The following SLC24A1 variants were observed in gnomAD, a reference collection of about 807,000 sequenced individuals.
SLC24A1 encodes the protein solute carrier family 24 member 1.
A neutral mutation model predicts 88.1 loss-of-function variants in SLC24A1; 52 were observed. The observed-to-expected ratio is 0.59, with a 90% CI of 0.47 to 0.74. The LOEUF (loss-of-function observed/expected upper bound fraction) is 0.74, where lower values mean the gene tolerates loss of function less well. Among genes scored for constraint, SLC24A1 ranks in the 30% least tolerant of loss-of-function variants. SLC24A1 has a pLI of 0.00. For synonymous variants in SLC24A1, 455 were observed against 498.0 expected, an observed-to-expected ratio of 0.91 and a Z score of 1.15; for missense variants, 1,173 against 1,363.3, an observed-to-expected ratio of 0.86 and a Z score of 2.20.
At chr15:65,640,310 G>A (rs1566958087) in intron 4 of SLC24A1, among the ~76,000 whole-genome samples, 1 of 152,232 alleles carries the variant, frequency 6.6e-6, no homozygotes, top group African/African-American at 2.4e-5. Context: ...GAGGGTAAGA[G>A]CAGGGTCCAA....
At chr15:65,615,708 A>T (rs1216158607) in intron 2 of SLC24A1, among the ~76,000 whole-genome samples, 1 of 152,194 alleles carries the variant, frequency 6.6e-6, no homozygotes, top group Non-Finnish European at 1.5e-5. Context: ...GTGTCTATGG[A>T]TAAAAATTCA....
chr15:65,643,723 C>T (rs1443421807), intron 4 of SLC24A1, among the ~76,000 whole-genome samples: 1 of 152,242 alleles, frequency 6.6e-6, no homozygotes, highest in African/African-American at 2.4e-5. Context: ...TCTGTGCATG[C>T]TGCCCTGTGG....
intron 6 of SLC24A1, among the ~76,000 whole-genome samples, chr15:65,647,345 G>A (rs2075334653): frequency 6.6e-6 from 1 of 152,028 alleles, no homozygotes; most frequent in Non-Finnish European, 1.5e-5. Flanking sequence ...GGGTGTGGTG[G>A]TGCGTGCCTG....
At chr15:65,653,781 G>T (rs770664479) in intron 9 of SLC24A1, 49 bp from the exon 10 acceptor site, 3 of 1,586,288 alleles carry the variant, frequency 1.9e-6, no homozygotes, top group African/African-American at 2.7e-5. Context: ...AAGTGTATGG[G>T]ATTATTATAA....
chr15:65,642,398 G>A (rs2075159548), intron 4 of SLC24A1, among the ~76,000 whole-genome samples: 1 of 152,170 alleles, frequency 6.6e-6, no homozygotes. Context: ...AGACAGGGTG[G>A]GGGAGACCCT....
upstream of SLC24A1, among the ~76,000 whole-genome samples, chr15:65,619,699 T>C (rs2074259622): frequency 6.6e-6 from 1 of 152,144 alleles, no homozygotes. Context: ...TCGTTCCCTC[T>C]TCTTTCTGTT....
chr15:65,635,780 C>T (rs928545656), intron 2 of SLC24A1, among the ~76,000 whole-genome samples: 3 of 152,226 alleles, frequency 2.0e-5, no homozygotes, highest in African/African-American at 7.2e-5. Context: ...TTGCCCATCA[C>T]AGCATAGCAC....
intron 2 of SLC24A1, among the ~76,000 whole-genome samples, chr15:65,629,455 A>G (rs1296734929): frequency 6.6e-6 from 1 of 152,264 alleles, no homozygotes; most frequent in Non-Finnish European, 1.5e-5. Flanking sequence ...ATTGACATAT[A>G]TTGGTTTGAG....
In SLC24A1 at chr15:65,644,518, G is replaced by C. The variant is rs1226839335; in HGVS notation, c.2140+5G>C. The C allele has an allele frequency of 6.4e-7, 1 of 1,571,430 alleles. No individual in the cohort carries two copies. On this transcript the variant is annotated splice_donor_5th_base_variant and intron_variant, in intron 5 of 9. Transcript: ENST00000261892. Reference sequence around the variant, plus strand: ...AAGCAGAAAGCAAACCAGAAGGTGAGAGGATGGCCAGACCAGTGGGTTTTC... The same window carrying C: ...AAGCAGAAAGCAAACCAGAAGGTGACAGGATGGCCAGACCAGTGGGTTTTC...
intron 3 of SLC24A1, 138 bp from the exon 4 acceptor site, chr15:65,639,457 G>A (rs2075047867): frequency 1.6e-6 from 1 of 618,086 alleles, no homozygotes; most frequent in Admixed American, 2.5e-5. Flanking sequence ...TGGAGGTGGA[G>A]GAAGAGGGGA....
chr15:65,637,647 C>T (rs1365105823), intron 2 of SLC24A1, among the ~76,000 whole-genome samples: 1 of 152,312 alleles, frequency 6.6e-6, no homozygotes, highest in South Asian at 2.1e-4. Context: ...AAACAGTCTA[C>T]CTTCAAGATG....
chr15:65,638,104 C>T (rs779504848), intron 2 of SLC24A1, 24 bp from the exon 3 acceptor site: 20 of 1,585,634 alleles, frequency 1.3e-5, no homozygotes, highest in Admixed American at 6.8e-5. Context: ...CACAACATCT[C>T]GTGACTCCTC....
chr15:65,653,800 G>A (rs771910467), intron 9 of SLC24A1, 30 bp from the exon 10 acceptor site: 4 of 1,609,636 alleles, frequency 2.5e-6, no homozygotes, highest in Non-Finnish European at 3.4e-6. Context: ...AAACATTAAG[G>A]ATATTCACAT....
Position 65,653,738 on chromosome 15 carries a change from G to A in SLC24A1, c.3051-92G>A, listed in dbSNP as rs185032072. 213 of 1,280,718 alleles carry A rather than the reference G, an allele frequency of 1.7e-4. No individual in the cohort carries two copies. The Admixed American group carries it at 1.7e-3, about 10-fold the overall frequency. The allele number at this position is 1,280,718 out of a possible 1,614,324, so 79.3% of individuals were successfully genotyped here. On this transcript the variant is annotated intron_variant, in intron 9 of 9. Transcript: ENST00000261892. ...TCACTTCATAGATATTTTATTGGTG[G>A]AAAAATACTTTGTAAAGTATAAACT...
chr15:65,654,165 A>G lies in SLC24A1; in HGVS notation c.*86A>G. 1.3e-6 allele frequency: 2 copies of G among 1,532,608 alleles called. No homozygotes were observed. Among genetic ancestry groups the G allele is most frequent in the Non-Finnish European group, 1.8e-6 (2 of 1,142,818 alleles). The allele number at this position is 1,532,608 out of a possible 1,614,324, so 94.9% of individuals were successfully genotyped here. On this transcript the variant is annotated 3_prime_UTR_variant, in exon 10 of 10. Transcript: ENST00000261892. ...TCTTGTGACCCTAATGAAAGAATGTATATGATCCTGGAAAGTGAACTGGGT... is the reference window on the plus strand; with the variant it reads ...TCTTGTGACCCTAATGAAAGAATGTGTATGATCCTGGAAAGTGAACTGGGT...
At chr15:65,644,582 C>A (rs2075243251) in intron 5 of SLC24A1, 69 bp downstream of exon 5, 19 of 1,158,860 alleles carry the variant, frequency 1.6e-5, no homozygotes, top group Admixed American at 1.2e-4. Flanking sequence ...GTGAGCTTGG[C>A]CTGGAGGCAG....
At chr15:65,630,667 C>T (rs1427229496) in intron 2 of SLC24A1, among the ~76,000 whole-genome samples, 3 of 152,216 alleles carry the variant, frequency 2.0e-5, no homozygotes, top group African/African-American at 7.2e-5. Context: ...GGTTTCTCTT[C>T]ATAAAATTTT....
chr15:65,624,857 T>G lies in SLC24A1; in HGVS notation c.777T>G (p.Phe259Leu). ...GAATGTTTGATAGCACCCCAACTTT[T>G]CTGACACATGAGGTAGAAGCAAACG... ...LKGMFDSTPT[F>L]LTHEVEANVL... The change falls in exon 2 of 10, where the codon TTT (phenylalanine) becomes TTG (leucine). Residue 259 changes from phenylalanine to leucine, a missense_variant. Physicochemically the swap from Phe to Leu is conservative, Grantham distance 22. Coordinates refer to ENST00000261892, the MANE Select transcript of SLC24A1 (RefSeq NM_004727.3). 6.2e-7 allele frequency: 1 copy of G among 1,614,034 alleles called. No individual in the cohort carries two copies. Among genetic ancestry groups the G allele is most frequent in the Non-Finnish European group, 8.5e-7 (1 of 1,179,888 alleles).
In SLC24A1 at chr15:65,625,157, A is replaced by G; in HGVS notation, c.1077A>G (p.Thr359=). 1 of 1,613,844 alleles carries G rather than the reference A, an allele frequency of 6.2e-7. No individual in the cohort carries two copies. Among genetic ancestry groups the G allele is most frequent in the South Asian group, 1.1e-5 (1 of 91,080 alleles). The stretch of plus-strand genomic sequence containing the variant: ...GGACCAGTGTATCAGCCATCAAAAC[A>G]GCCCCAGCCATAGTCTGGAGGCTGG... The part of the protein sequence containing the change: ...SPRTSVSAIK[T]APAIVWRLAK... The change falls in exon 2 of 10, where the codon ACA becomes ACG. Residue 359 remains threonine, a synonymous_variant. Transcript: ENST00000261892.
Sources: allele counts gnomAD v4.1 joint callset (sites outside exome capture counted in the v4.1 genomes callset), GRCh38; gene constraint gnomAD v4.1.1; transcripts MANE v1.5; gene names NCBI Gene and HGNC (gene_info 2026-07-23, HGNC 2026-07-21).